Variants in SLC4A10 observed in about 807,000 individuals in gnomAD.
SLC4A10 encodes the protein sodium-driven chloride bicarbonate exchanger.
In SLC4A10, 42 loss-of-function variants were observed where a neutral mutation model predicts 137.7. That is an observed-to-expected ratio of 0.30 (90% CI 0.24 to 0.39). The LOEUF (loss-of-function observed/expected upper bound fraction) is 0.39. Ranked by LOEUF, SLC4A10 falls within the 10% of genes least tolerant of loss-of-function variation. SLC4A10 has a pLI of 1.00. For missense variants in SLC4A10, 925 were observed against 1,355.0 expected (o/e 0.68, Z 4.98); for synonymous variants, 474 against 464.1 (o/e 1.02, Z -0.27).
intron 3 of SLC4A10, among the ~76,000 whole-genome samples, chr2:161,808,215 T>A (rs2056196128): frequency 6.6e-6 from 1 of 152,184 alleles, no homozygotes; most frequent in Non-Finnish European, 1.5e-5. Context: ...CTTATTTAAA[T>A]TCTTTCTTCA....
intron 4 of SLC4A10, among the ~76,000 whole-genome samples, chr2:161,842,742 G>A (rs1013241923): frequency 1.5e-4 from 23 of 152,074 alleles, no homozygotes; most frequent in African/African-American, 5.3e-4. Context: ...CAAAAACTAC[G>A]TAGTAGTTTT....
At chr2:161,964,369 T>C (rs1334256536) in intron 22 of SLC4A10, 61 bp downstream of exon 22, 2 of 1,517,978 alleles carry the variant, frequency 1.3e-6, no homozygotes. Flanking sequence ...TTTGGAAACA[T>C]AAACACATGA....
chr2:161,839,677 G>T, intron 3 of SLC4A10, 112 bp from the exon 4 acceptor site: 1 of 1,187,950 alleles, frequency 8.4e-7, no homozygotes, highest in Non-Finnish European at 1.2e-6. Flanking sequence ...GGGGAGGTGT[G>T]AGCTTGGGGT....
intron 1 of SLC4A10, among the ~76,000 whole-genome samples, chr2:161,645,714 C>T (rs912846141): frequency 6.6e-6 from 1 of 151,772 alleles, no homozygotes; most frequent in Non-Finnish European, 1.5e-5. Flanking sequence ...TAATATTCCC[C>T]AAAAATTTAG....
chr2:161,731,298 A>G (rs190888976), intron 1 of SLC4A10, among the ~76,000 whole-genome samples: 33 of 152,218 alleles, frequency 2.2e-4, no homozygotes, highest in Admixed American at 2.0e-3. Context: ...ATGCTTGTTA[A>G]AATGTTATAT....
At chr2:161,773,011 G>A (rs930786235) in intron 2 of SLC4A10, among the ~76,000 whole-genome samples, 3 of 151,864 alleles carry the variant, frequency 2.0e-5, no homozygotes, top group African/African-American at 7.2e-5. Context: ...GAGAAAGGTA[G>A]CATTATTGAG....
chr2:161,927,936 A>C (rs1689490375), intron 15 of SLC4A10, among the ~76,000 whole-genome samples: 1 of 151,622 alleles, frequency 6.6e-6, no homozygotes, highest in African/African-American at 2.4e-5. Context: ...ACTGTAAACT[A>C]GTTCAACCAT....
At chr2:161,840,760 C>G (rs1223514247) in intron 4 of SLC4A10, among the ~76,000 whole-genome samples, 1 of 152,188 alleles carries the variant, frequency 6.6e-6, no homozygotes, top group Non-Finnish European at 1.5e-5. Context: ...CCCACTTTTT[C>G]ACAAATTTTA....
At chr2:161,848,098 G>A (rs1291278853) in intron 4 of SLC4A10, among the ~76,000 whole-genome samples, 1 of 152,116 alleles carries the variant, frequency 6.6e-6, no homozygotes, top group East Asian at 1.9e-4. Context: ...ACTCATTGTA[G>A]TTTTGGTTTA....
intron 1 of SLC4A10, among the ~76,000 whole-genome samples, chr2:161,659,829 G>A (rs1018077586): frequency 5.9e-5 from 9 of 152,236 alleles, no homozygotes; most frequent in African/African-American, 1.7e-4. Flanking sequence ...TATTAGAAAG[G>A]AATGAAGTAC....
chr2:161,636,565 T>C (rs759815396), intron 1 of SLC4A10, among the ~76,000 whole-genome samples: 1 of 151,814 alleles, frequency 6.6e-6, no homozygotes, highest in Non-Finnish European at 1.5e-5. Context: ...CCTGGCTAAT[T>C]TTTTTTGTAT....
chr2:161,862,596 A>C lies in SLC4A10; in HGVS notation c.578-278A>C, dbSNP rs565086397. Reference sequence around the variant, plus strand: ...AATAAAGAACTTTCTTCTCAATGCAACTATTCCCATTTGAAAAATAATACT... The same window carrying C: ...AATAAAGAACTTTCTTCTCAATGCACCTATTCCCATTTGAAAAATAATACT... On this transcript the variant is annotated intron_variant, in intron 5 of 26. Coordinates refer to ENST00000446997, the MANE Select transcript of SLC4A10 (RefSeq NM_001178015.2). 1.3e-4 allele frequency among the ~76,000 whole-genome samples: 20 copies of C among 152,288 alleles called. 1 individual carries two copies. In the South Asian group the frequency reaches 4.1e-3, roughly 32 times the overall value.
intron 1 of SLC4A10, among the ~76,000 whole-genome samples, chr2:161,642,933 T>C (rs1180519335): frequency 2.6e-5 from 4 of 152,030 alleles, no homozygotes; most frequent in African/African-American, 7.2e-5. Flanking sequence ...AAGTTTTCTT[T>C]TCTCCAGTTC....
At chr2:161,891,202 A>C (rs1052618034) in intron 10 of SLC4A10, among the ~76,000 whole-genome samples, 4 of 152,100 alleles carry the variant, frequency 2.6e-5, no homozygotes, top group African/African-American at 9.7e-5. Flanking sequence ...AGGTAACCCG[A>C]CCTTTCTTTC....
At chr2:161,808,019 A>G (rs1333820337) in intron 3 of SLC4A10, among the ~76,000 whole-genome samples, 1 of 152,038 alleles carries the variant, frequency 6.6e-6, no homozygotes, top group Non-Finnish European at 1.5e-5. Flanking sequence ...GTTAATTTGG[A>G]TTTTATATTT....
At chr2:161,902,458 G>A (rs1049755652) in intron 12 of SLC4A10, among the ~76,000 whole-genome samples, 1 of 152,046 alleles carries the variant, frequency 6.6e-6, no homozygotes, top group African/African-American at 2.4e-5. Context: ...AAATTATTCA[G>A]AAATGATCCC....
In SLC4A10 at chr2:161,727,531, C is replaced by T. The variant is rs527542186; in HGVS notation, c.49-43442C>T. ...AGAGTAGGATGGGAGAAAAATCTTT[C>T]CAAATTTTGTCATTAAAACCCTTAG... On this transcript the variant is annotated intron_variant, in intron 1 of 26. Transcript: ENST00000446997. 1.1e-4 allele frequency among the ~76,000 whole-genome samples: 17 copies of T among 152,110 alleles called. 1 individual carries two copies. The South Asian group carries it at 2.7e-3, about 24-fold the overall frequency.
chr2:161,842,577 AC>A (rs758456531), intron 4 of SLC4A10, among the ~76,000 whole-genome samples: 14 of 152,052 alleles, frequency 9.2e-5, no homozygotes, highest in Non-Finnish European at 1.9e-4. Flanking sequence ...TTCAGTATGA[AC>A]TAACCTTTTT....
At chr2:161,873,617 C>G (rs796337723) in intron 7 of SLC4A10, among the ~76,000 whole-genome samples, 7 of 149,558 alleles carry the variant, frequency 4.7e-5, no homozygotes, top group African/African-American at 1.7e-4. Flanking sequence ...TAACAATTCT[C>G]TTTATCTGAG....
Sources: gnomAD v4.1 joint callset for allele counts (sites outside exome capture counted in the v4.1 genomes callset) on GRCh38, gnomAD v4.1.1 for gene constraint, MANE v1.5 for transcripts, NCBI Gene and HGNC (gene_info 2026-07-23, HGNC 2026-07-21) for gene names.